The following JARID2 variants were observed in gnomAD, a reference collection of about 807,000 sequenced individuals.
JARID2 encodes the protein jumonji and AT-rich interaction domain containing 2.
A neutral mutation model predicts 125.6 loss-of-function variants in JARID2; 21 were observed. That is an observed-to-expected ratio of 0.17 (90% CI 0.12 to 0.24). JARID2 has a LOEUF of 0.24. Ranked by LOEUF, JARID2 falls within the 10% of genes least tolerant of loss-of-function variation. The pLI is 1.00. For missense variants in JARID2, 1,303 were observed against 1,639.6 expected (o/e 0.79, Z 3.55); for synonymous variants, 736 against 661.6 (o/e 1.11, Z -1.73).
intron 1 of JARID2, among the ~76,000 whole-genome samples, chr6:15,297,373 C>T (rs908407878): frequency 2.6e-5 from 4 of 151,966 alleles, no homozygotes; most frequent in African/African-American, 9.7e-5. Context: ...TGGTCTTGAA[C>T]TCCTGACCTC....
At chr6:15,256,724 AG>A (rs1325426232) in intron 1 of JARID2, among the ~76,000 whole-genome samples, 3 of 152,190 alleles carry the variant, frequency 2.0e-5, no homozygotes, top group Non-Finnish European at 2.9e-5. Context: ...TGGCAGAGCC[AG>A]GCTCTTTCTC....
intron 1 of JARID2, among the ~76,000 whole-genome samples, chr6:15,249,340 G>T (rs1017071499): frequency 1.3e-5 from 2 of 152,066 alleles, no homozygotes; most frequent in African/African-American, 2.4e-5. Flanking sequence ...ACGGTGGGGG[G>T]GCTTTCCTTT....
intron 1 of JARID2, among the ~76,000 whole-genome samples, chr6:15,359,950 G>A (rs1763734868): frequency 1.3e-5 from 2 of 152,082 alleles, no homozygotes; most frequent in Non-Finnish European, 2.9e-5. Flanking sequence ...GCCTTCCAAA[G>A]TTTTGGGATT....
chr6:15,313,432 A>C (rs1163444705), intron 1 of JARID2, among the ~76,000 whole-genome samples: 1 of 152,176 alleles, frequency 6.6e-6, no homozygotes, highest in Non-Finnish European at 1.5e-5. Flanking sequence ...GGTACTGCAC[A>C]AGCAGTACAG....
At chr6:15,474,632 G>A (rs2127691928) in intron 5 of JARID2, among the ~76,000 whole-genome samples, 1 of 152,232 alleles carries the variant, frequency 6.6e-6, no homozygotes, top group South Asian at 2.1e-4. Context: ...GAAACAATGA[G>A]GCTGTATCAT....
At chr6:15,410,519 C>G (rs1765834075) in intron 3 of JARID2, among the ~76,000 whole-genome samples, 154 bp downstream of exon 3, 1 of 149,050 alleles carries the variant, frequency 6.7e-6, no homozygotes. Flanking sequence ...AAATGCCCTG[C>G]TTTCTAAGTA....
At chr6:15,329,387 T>C (rs1217669818) in intron 1 of JARID2, among the ~76,000 whole-genome samples, 1 of 151,678 alleles carries the variant, frequency 6.6e-6, no homozygotes, top group East Asian at 1.9e-4. Context: ...ATAGGGAGAG[T>C]TGACATCCTG....
chr6:15,416,575 G>C (rs1383006231), intron 3 of JARID2, among the ~76,000 whole-genome samples: 1 of 152,184 alleles, frequency 6.6e-6, no homozygotes, highest in Non-Finnish European at 1.5e-5. Context: ...GCAATGGCAG[G>C]CACTCGGCAG....
intron 1 of JARID2, among the ~76,000 whole-genome samples, chr6:15,329,426 T>C (rs1195487117): frequency 6.6e-6 from 1 of 152,162 alleles, no homozygotes; most frequent in African/African-American, 2.4e-5. Flanking sequence ...GTTTGAAGAT[T>C]ATTGTGCTGA....
At chr6:15,433,946 G>GTC (rs2127604663) in intron 3 of JARID2, among the ~76,000 whole-genome samples, 1 of 150,854 alleles carries the variant, frequency 6.6e-6, no homozygotes, top group Non-Finnish European at 1.5e-5. Context: ...GTGTGTGTGT[G>GTC]TGTGTGTGTG....
chr6:15,440,226 A>C (rs973966346), intron 3 of JARID2, among the ~76,000 whole-genome samples: 1 of 152,124 alleles, frequency 6.6e-6, no homozygotes, highest in African/African-American at 2.4e-5. Context: ...GACCTCTTTC[A>C]ATTTAGTGCA....
intron 4 of JARID2, among the ~76,000 whole-genome samples, chr6:15,465,633 T>A (rs1768686222): frequency 6.6e-6 from 1 of 151,414 alleles, no homozygotes; most frequent in Non-Finnish European, 1.5e-5. Flanking sequence ...TCATGCTGCT[T>A]CTCTAATGTT....
chr6:15,476,768 A>G (rs1769360020), intron 5 of JARID2, among the ~76,000 whole-genome samples: 1 of 152,198 alleles, frequency 6.6e-6, no homozygotes, highest in Non-Finnish European at 1.5e-5. Flanking sequence ...CCCTTAGGTA[A>G]TGACTATTTG....
intron 2 of JARID2, among the ~76,000 whole-genome samples, chr6:15,395,981 A>G (rs912894704): frequency 1.3e-5 from 2 of 152,156 alleles, no homozygotes; most frequent in Non-Finnish European, 2.9e-5. Context: ...TTTAATATAC[A>G]GTTTTCCTTT....
intron 1 of JARID2, among the ~76,000 whole-genome samples, chr6:15,255,575 C>T (rs1489809112): frequency 1.3e-5 from 2 of 152,220 alleles, no homozygotes; most frequent in African/African-American, 2.4e-5. Flanking sequence ...GTGGTTCTGT[C>T]TCCATTATTT....
At chr6:15,371,863 C>T (rs9464785) in intron 1 of JARID2, among the ~76,000 whole-genome samples, 57,642 of 151,984 alleles carry the variant, frequency 0.38, 11,093 homozygotes, top group Admixed American at 0.45. Context: ...GGAGAGCGGA[C>T]AGGAAGACTG....
In JARID2 at chr6:15,246,222, G is replaced by T. The variant is rs778838387; in HGVS notation, c.-318G>T. The stretch of plus-strand genomic sequence containing the variant: ...TGATGTAGTTTTTGGAGGAAAAAGG[G>T]GGGGGAGTGAAGGGCGTCGGTTTTT... On this transcript the variant is annotated 5_prime_UTR_variant, in exon 1 of 18. Transcript: ENST00000341776. 6 of 471,854 alleles carry T rather than the reference G, an allele frequency of 1.3e-5. No homozygotes were observed. Among genetic ancestry groups the T allele is most frequent in the African/African-American group, 4.1e-5 (2 of 49,226 alleles). The allele number at this position is 471,854 out of a possible 1,614,324, so 29.2% of individuals were successfully genotyped here.
chr6:15,271,471 C>A (rs1158508198), intron 1 of JARID2, among the ~76,000 whole-genome samples: 1 of 152,164 alleles, frequency 6.6e-6, no homozygotes, highest in Non-Finnish European at 1.5e-5. Context: ...GGGTAGGGTT[C>A]CCAATAAGAT....
intron 1 of JARID2, among the ~76,000 whole-genome samples, chr6:15,352,000 C>G (rs894790046): frequency 6.6e-6 from 1 of 152,164 alleles, no homozygotes; most frequent in African/African-American, 2.4e-5. Context: ...TGCGCCGAAT[C>G]TGAGGCTGTG....
Sources: gnomAD v4.1 joint callset for allele counts (sites outside exome capture counted in the v4.1 genomes callset) on GRCh38, gnomAD v4.1.1 for gene constraint, MANE v1.5 for transcripts, NCBI Gene and HGNC (gene_info 2026-07-23, HGNC 2026-07-21) for gene names.